CPXM1: variants seen among roughly 807,000 people sequenced by gnomAD.
The protein encoded by CPXM1 is carboxypeptidase X, M14 family member 1.
Under a neutral mutation model 80.4 loss-of-function variants are expected in CPXM1, and 72 were observed. That is an observed-to-expected ratio of 0.90 (90% CI 0.74 to 1.09). The LOEUF is 1.09. CPXM1 is among the 50% of genes least tolerant of loss of function. CPXM1 has a pLI of 0.00. For synonymous variants in CPXM1, 403 were observed against 405.6 expected (o/e 0.99, Z 0.08); for missense variants, 892 against 999.4 (o/e 0.89, Z 1.45).
In CPXM1 at chr20:2,794,686, T is replaced by C. The variant is rs127078; in HGVS notation, c.1861-47A>G. ...GAGCCCTTCCCCTTCGGCAGGATAA[T>C]GTGCTGTTTAGCTAACTTGCTGGCT... On this transcript the variant is annotated intron_variant, in intron 12 of 13. Transcript: ENST00000380605. This position sits in a 1 kb window ranked among gnomAD's most constrained non-coding sequence, Gnocchi z 5.2. 0.21 allele frequency: 322,188 copies of C among 1,505,452 alleles called. 39,215 individuals carry two copies. The highest frequency in any genetic ancestry group is 0.42 in the African/African-American group (30,580 of 72,932). The allele number at this position is 1,505,452 out of a possible 1,614,324, so 93.3% of individuals were successfully genotyped here.
At position 2,798,153 on chromosome 20, in the gene CPXM1, T is replaced by C. The variant is rs372657666; in HGVS notation, c.589A>G (p.Arg197Gly). ...TGACCTAGGGTTAGTCTGCCTCACC[T>C]CCAGACAGAGTTCCTGCCCTGTGTG... Reference protein sequence around the residue: ...VITQGRNSVWRYDWVTSYKVQ... With the variant: ...VITQGRNSVWGYDWVTSYKVQ... The change falls in exon 4 of 14, where the codon AGG (arginine) becomes GGG (glycine). Residue 197 changes from arginine (R) to glycine (G), a missense_variant and splice_region_variant. Transcript: ENST00000380605. 4.1e-5 allele frequency: 66 copies of C among 1,613,848 alleles called. 1 individual carries two copies. The highest frequency in any genetic ancestry group is 5.4e-5 in the Non-Finnish European group (64 of 1,179,984).
Position 2,796,443 on chromosome 20 carries a change from C to A in CPXM1, c.1046G>T (p.Gly349Val). 6.2e-7 allele frequency: 1 copy of A among 1,613,906 alleles called. No individual in the cohort carries two copies. Among genetic ancestry groups the A allele is most frequent in the Non-Finnish European group, 8.5e-7 (1 of 1,179,874 alleles). The change falls in exon 9 of 14, where the codon GGG becomes GTG. Residue 349 changes from glycine (G) to valine (V), a missense_variant and splice_region_variant. This residue lies in a region of CPXM1 where 874 missense variants were observed against 958.4 expected (regional missense o/e 0.91). Coordinates refer to ENST00000380605, the MANE Select transcript of CPXM1 (RefSeq NM_019609.5). This position sits in a 1 kb window ranked among gnomAD's most constrained non-coding sequence, Gnocchi z 6.8. ...AGCCACGTAGCGCACCTCAGGCTCCCCTGGGGACACATGGGGGCTTGCAGC... is the reference window on the plus strand; with the variant it reads ...AGCCACGTAGCGCACCTCAGGCTCCACTGGGGACACATGGGGGCTTGCAGC... Reference protein sequence around the residue: ...MSDKPGEHELGEPEVRYVAGM... With the variant: ...MSDKPGEHELVEPEVRYVAGM...
At position 2,797,830 on chromosome 20, in the gene CPXM1, C is replaced by T. The variant is rs1000654985; in HGVS notation, c.681+138G>A. The T allele has an allele frequency of 3.3e-5, 24 of 734,082 alleles. No individual in the cohort carries two copies. In the East Asian group the frequency reaches 6.0e-4, roughly 18 times the overall value. 45.5% of individuals were successfully genotyped at this position (734,082 alleles called of 1,614,324 possible). ...TCCCAATGGTGCCTGCCGTGTGCCA[C>T]CCTCTTGACAACAAGCCACACCCCC... On this transcript the variant is annotated intron_variant, in intron 5 of 13. Transcript: ENST00000380605.
At position 2,795,349 on chromosome 20, in the gene CPXM1, C is replaced by G; in HGVS notation, c.1788G>C (p.Lys596Asn). The change falls in exon 12 of 14, where the codon AAG becomes AAC. Residue 596 changes from lysine (K) to asparagine (N), a missense_variant. Physicochemically the swap from Lys to Asn is moderately conservative, Grantham distance 94. This residue lies in a region of CPXM1 where 874 missense variants were observed against 958.4 expected (regional missense o/e 0.91). Transcript: ENST00000380605. The surrounding 1 kb of genome is among the most constrained non-coding windows in gnomAD (Gnocchi z 5.4). Reference sequence around the variant, plus strand: ...GGGGCAATTCATTCTCGTGAGGGAACTTGTCACAGGACAGCTCCACAGTGA... The same window carrying G: ...GGGGCAATTCATTCTCGTGAGGGAAGTTGTCACAGGACAGCTCCACAGTGA... The part of the protein sequence containing the change: ...FEVTVELSCD[K>N]FPHENELPQE... 1 of 1,614,186 alleles carries G rather than the reference C, an allele frequency of 6.2e-7. No individual in the cohort carries two copies. Among genetic ancestry groups the G allele is most frequent in the Non-Finnish European group, 8.5e-7 (1 of 1,180,022 alleles).
Position 2,796,800 on chromosome 20 carries a change from C to A in CPXM1, c.922-150G>T. 8.1e-7 allele frequency: 1 copy of A among 1,229,104 alleles called. No individual in the cohort carries two copies. The highest frequency in any genetic ancestry group is 1.1e-6 in the Non-Finnish European group (1 of 884,390). The allele number at this position is 1,229,104 out of a possible 1,614,324, so 76.1% of individuals were successfully genotyped here. On this transcript the variant is annotated intron_variant, in intron 7 of 13. Transcript: ENST00000380605. This position sits in a 1 kb window ranked among gnomAD's most constrained non-coding sequence, Gnocchi z 6.8. Reference sequence around the variant, plus strand: ...TACAGGAGGGGAGCGGCAGCAGAGCCGGGAGGAAGGGGTAGGACTGGGGGG... The same window carrying A: ...TACAGGAGGGGAGCGGCAGCAGAGCAGGGAGGAAGGGGTAGGACTGGGGGG...
chr20:2,795,586 C>T lies in CPXM1; in HGVS notation c.1720+13G>A, dbSNP rs1019250052. ...TTACGGGGCCAGGGCTAACTCCACC[C>T]TCAGGCACATACTCCCGGGGACCGT... is the stretch of plus-strand genomic sequence containing the variant. On this transcript the variant is annotated intron_variant, in intron 11 of 13. Transcript: ENST00000380605. This position sits in a 1 kb window ranked among gnomAD's most constrained non-coding sequence, Gnocchi z 5.4. The T allele has an allele frequency of 1.2e-6, 2 of 1,610,372 alleles. No individual in the cohort carries two copies. Among genetic ancestry groups the T allele is most frequent in the South Asian group, 2.2e-5 (2 of 90,908 alleles).
intron 1 of CPXM1, 127 bp downstream of exon 1, chr20:2,800,274 G>T: frequency 1.2e-6 from 1 of 818,602 alleles, no homozygotes; most frequent in Non-Finnish European, 1.8e-6. Context: ...CGTGCGGGGT[G>T]AGTGTGCATG....
chr20:2,795,201 C>T lies in CPXM1; in HGVS notation c.1860+76G>A, dbSNP rs1303658698. The T allele has an allele frequency of 6.5e-7, 1 of 1,536,964 alleles. No individual in the cohort carries two copies. Among genetic ancestry groups the T allele is most frequent in the Non-Finnish European group, 8.9e-7 (1 of 1,128,850 alleles). The stretch of plus-strand genomic sequence containing the variant: ...AATGCTCAGCTGGACCTTAGAAGAA[C>T]CCCTGGTAGGAGCTGTAGCCTAAAT... On this transcript the variant is annotated intron_variant, in intron 12 of 13. Coordinates refer to ENST00000380605, the MANE Select transcript of CPXM1 (RefSeq NM_019609.5). This position sits in a 1 kb window ranked among gnomAD's most constrained non-coding sequence, Gnocchi z 5.4.
chr20:2,797,242 T>C lies in CPXM1; in HGVS notation c.782A>G (p.Gln261Arg). The C allele has an allele frequency of 6.4e-7, 1 of 1,570,902 alleles. No homozygotes were observed. Residue 261 changes from glutamine to arginine, a missense_variant, in exon 6 of 14, where the codon CAG (glutamine) becomes CGG (arginine). Physicochemically the swap from Gln to Arg is conservative, Grantham distance 43. Transcript: ENST00000380605. Reference sequence around the variant, plus strand: ...TGCCCGGAGGCAAGGCGCGCCTCCCTGGAGCCAGGTCTGGGGCAGCAGGCG... The same window carrying C: ...TGCCCGGAGGCAAGGCGCGCCTCCCCGGAGCCAGGTCTGGGGCAGCAGGCG... Reference protein sequence around the residue: ...FIRLLPQTWLQGGAPCLRAEI... With the variant: ...FIRLLPQTWLRGGAPCLRAEI...
chr20:2,794,095 T>C lies in CPXM1; in HGVS notation c.*95A>G, dbSNP rs1423012298. ...GAGCTAAGGTGCCCGGTAGCTTTAATGAGCACCTTTTCCTCACTTTGTCCC... is the reference window on the plus strand; with the variant it reads ...GAGCTAAGGTGCCCGGTAGCTTTAACGAGCACCTTTTCCTCACTTTGTCCC... On this transcript the variant is annotated 3_prime_UTR_variant, in exon 14 of 14. Transcript: ENST00000380605. This position sits in a 1 kb window ranked among gnomAD's most constrained non-coding sequence, Gnocchi z 5.2. 6.7e-7 allele frequency: 1 copy of C among 1,486,136 alleles called. No individual in the cohort carries two copies. Among genetic ancestry groups the C allele is most frequent in the South Asian group, 1.4e-5 (1 of 73,998 alleles). 92.1% of individuals were successfully genotyped at this position (1,486,136 alleles called of 1,614,324 possible). A position where few individuals can be genotyped will look rare whatever the true frequency, so the allele number is the denominator to read the frequency against.
In CPXM1 at chr20:2,794,799, T is replaced by C. The variant is rs945743226; in HGVS notation, c.1861-160A>G. ...TGGAAGAAAAAAAAAAAAGAAATCC[T>C]GATTGACAAATCACATCTGGACTAA... is the stretch of plus-strand genomic sequence containing the variant. On this transcript the variant is annotated intron_variant, in intron 12 of 13. Transcript: ENST00000380605. This position sits in a 1 kb window ranked among gnomAD's most constrained non-coding sequence, Gnocchi z 5.2. Among the ~76,000 whole-genome samples, 56 of 151,972 alleles carry C rather than the reference T, an allele frequency of 3.7e-4. No homozygotes were observed. Among genetic ancestry groups the C allele is most frequent in the Non-Finnish European group, 6.3e-4 (43 of 67,984 alleles).
In CPXM1 at chr20:2,796,187, T is replaced by C. The variant is rs993610653; in HGVS notation, c.1243-26A>G. On this transcript the variant is annotated intron_variant, in intron 9 of 13. Transcript: ENST00000380605. This position sits in a 1 kb window ranked among gnomAD's most constrained non-coding sequence, Gnocchi z 6.8. ...CTGCCGGGCAAGAGGCTTGTTCAAG[T>C]CGAGCAGGTCCAGCCACCAGGGCAG... The C allele has an allele frequency of 6.2e-7, 1 of 1,607,858 alleles. No homozygotes were observed. The highest frequency in any genetic ancestry group is 1.7e-5 in the Admixed American group (1 of 59,704).
Position 2,794,768 on chromosome 20 carries a change from T to G in CPXM1, c.1861-129A>C. Reference sequence around the variant, plus strand: ...GGTCTACTGTGTTCCTAGGTGACACTACTTCTGGAAGAAAAAAAAAAAAGA... The same window carrying G: ...GGTCTACTGTGTTCCTAGGTGACACGACTTCTGGAAGAAAAAAAAAAAAGA... On this transcript the variant is annotated intron_variant, in intron 12 of 13. Coordinates refer to ENST00000380605, the MANE Select transcript of CPXM1 (RefSeq NM_019609.5). This position sits in a 1 kb window ranked among gnomAD's most constrained non-coding sequence, Gnocchi z 5.2. 1 of 634,798 alleles carries G rather than the reference T, an allele frequency of 1.6e-6. No homozygotes were observed. Among genetic ancestry groups the G allele is most frequent in the East Asian group, 2.7e-5 (1 of 36,818 alleles). 39.3% of individuals were successfully genotyped at this position (634,798 alleles called of 1,614,324 possible).
In CPXM1 at chr20:2,796,325, C is replaced by T. The variant is rs373177659; in HGVS notation, c.1164G>A (p.Val388=). ...CHEFLRGNPR[V]TRLLSEMRIH... ...TGCGCATCTCAGAGAGCAGCCGGGT[C>T]ACCCGTGGGTTCCCTCGCAGGAACT... The change falls in exon 9 of 14, where the codon GTG becomes GTA. Residue 388 remains valine (V), a synonymous_variant. Transcript: ENST00000380605. The surrounding 1 kb of genome is among the most constrained non-coding windows in gnomAD (Gnocchi z 6.8). 124 of 1,614,022 alleles carry T rather than the reference C, an allele frequency of 7.7e-5. No individual in the cohort carries two copies. The African/African-American group carries it at 1.3e-3, about 17-fold the overall frequency.
In CPXM1 at chr20:2,794,451, C is replaced by G. The variant is rs759505991; in HGVS notation, c.1964-20G>C. On this transcript the variant is annotated intron_variant, in intron 13 of 13. Coordinates refer to ENST00000380605, the MANE Select transcript of CPXM1 (RefSeq NM_019609.5). The surrounding 1 kb of genome is among the most constrained non-coding windows in gnomAD (Gnocchi z 5.2). The stretch of plus-strand genomic sequence containing the variant: ...CCCACGCTGAGGAGAGTGAAGGGCA[C>G]GATCAGGACCCAATTAATGATCTTC... The G allele has an allele frequency of 1.9e-6, 3 of 1,612,908 alleles. No individual in the cohort carries two copies. The highest frequency in any genetic ancestry group is 1.3e-5 in the African/African-American group (1 of 74,910).
chr20:2,798,385 C>T (rs1168944959), intron 3 of CPXM1, 43 bp downstream of exon 3: 1 of 1,601,434 alleles, frequency 6.2e-7, no homozygotes, highest in Non-Finnish European at 8.5e-7. Context: ...CAGGGGCTGC[C>T]TTCCCTACCC....
rs745333519 is a variant in CPXM1 at position 2,796,025 on chromosome 20, T to C, written c.1379A>G (p.His460Arg). 81 of 1,612,858 alleles carry C rather than the reference T, an allele frequency of 5.0e-5. No individual in the cohort carries two copies. The highest frequency in any genetic ancestry group is 6.8e-5 in the Non-Finnish European group (80 of 1,179,506). The change falls in exon 10 of 14, where the codon CAT becomes CGT. Residue 460 changes from histidine to arginine, a missense_variant. Physicochemically the swap from His to Arg is conservative, Grantham distance 29. This residue lies in a region of CPXM1 where 874 missense variants were observed against 958.4 expected (regional missense o/e 0.91). Coordinates refer to ENST00000380605, the MANE Select transcript of CPXM1 (RefSeq NM_019609.5). The surrounding 1 kb of genome is among the most constrained non-coding windows in gnomAD (Gnocchi z 6.8). ...DGKVPHIVPN[H>R]HLPLPTYYTL... Reference sequence around the variant, plus strand: ...GTAGTAAGTGGGCAATGGCAGGTGATGGTTGGGGACGATGTGGGGCACCTT... The same window carrying C: ...GTAGTAAGTGGGCAATGGCAGGTGACGGTTGGGGACGATGTGGGGCACCTT...
Position 2,794,281 on chromosome 20 carries a change from T to G in CPXM1, c.2114A>C (p.Lys705Thr), listed in dbSNP as rs200296165. 1 of 1,614,030 alleles carries G rather than the reference T, an allele frequency of 6.2e-7. No homozygotes were observed. The highest frequency in any genetic ancestry group is 2.2e-5 in the East Asian group (1 of 44,866). Residue 705 changes from lysine (K) to threonine (T), a missense_variant, in exon 14 of 14, where the codon AAA becomes ACA. Physicochemically the swap from Lys to Thr is moderately conservative, Grantham distance 78. Coordinates refer to ENST00000380605, the MANE Select transcript of CPXM1 (RefSeq NM_019609.5). The surrounding 1 kb of genome is among the most constrained non-coding windows in gnomAD (Gnocchi z 5.2). ...PCNFVLTKTP[K>T]QRLRELLAAG... is the part of the protein sequence containing the mutation. ...TGCCAGCAGCTCGCGCAGCCTCTGT[T>G]TGGGAGTCTTGGTGAGCACGAAATT...
rs956078860 is a variant in CPXM1 at position 2,799,144 on chromosome 20, T to C, written c.173-251A>G. On this transcript the variant is annotated intron_variant, in intron 1 of 13. Transcript: ENST00000380605. ...CCTCCCCTGTGAACCTCTAATCCAA[T>C]GGAGAGCTGCACCCAGCCTCTAGAA... Among the ~76,000 whole-genome samples, 8 of 152,132 alleles carry C rather than the reference T, an allele frequency of 5.3e-5. No individual in the cohort carries two copies. In the South Asian group the frequency reaches 1.2e-3, roughly 24 times the overall value.
Sources: allele counts gnomAD v4.1 joint callset (sites outside exome capture counted in the v4.1 genomes callset), GRCh38; gene constraint gnomAD v4.1.1; regional missense constraint gnomAD v4.1.1; non-coding constraint Gnocchi (gnomAD v3.1); transcripts MANE v1.5; gene names NCBI Gene and HGNC (gene_info 2026-07-23, HGNC 2026-07-21).